Variants in EYA1 observed in about 807,000 individuals in gnomAD.
EYA1 encodes EYA transcriptional coactivator and phosphatase 1.
EYA1 carries 16 observed loss-of-function variants against 82.0 expected under a neutral mutation model. The observed-to-expected ratio is 0.20, with a 90% confidence interval of 0.13 to 0.30. The LOEUF is 0.30. Ranked by LOEUF, EYA1 falls within the 10% of genes least tolerant of loss-of-function variation. The probability of loss-of-function intolerance (pLI) is 1.00; values close to 1 mark genes in which losing one functional copy is unlikely to be tolerated. For synonymous variants in EYA1, 261 were observed against 264.4 expected (o/e 0.99, Z 0.12); for missense variants, 633 against 730.7 (o/e 0.87, Z 1.54).
intron 11 of EYA1, among the ~76,000 whole-genome samples, chr8:71,262,167 A>G (rs776155842): frequency 9.2e-5 from 14 of 152,248 alleles, no homozygotes; most frequent in Non-Finnish European, 2.1e-4. Context: ...TCTTATTGGC[A>G]AAAAGAAGGA....
In EYA1 at chr8:71,334,152, G is replaced by A. The variant is rs771141271; in HGVS notation, c.147C>T (p.Ser49=). Residue 49 remains serine, a synonymous_variant, in exon 4 of 18, where the codon AGC becomes AGT. Transcript: ENST00000340726. ...GTEVKTEPMS[S]SETASTTADG... Reference sequence around the variant, plus strand: ...CGGCTGTCGTTGAAGCTGTTTCACTGCTGCTCATTGGCTCTGTTTTAACTA... The same window carrying A: ...CGGCTGTCGTTGAAGCTGTTTCACTACTGCTCATTGGCTCTGTTTTAACTA... The A allele has an allele frequency of 2.4e-5, 39 of 1,613,146 alleles. No homozygotes were observed. In the East Asian group the frequency reaches 8.0e-4, roughly 33 times the overall value.
chr8:71,524,940 G>A (rs1489140931), intron 2 of EYA1, among the ~76,000 whole-genome samples: 1 of 152,198 alleles, frequency 6.6e-6, no homozygotes, highest in Non-Finnish European at 1.5e-5. Context: ...AATACTGCCT[G>A]GAAGAAAACA....
chr8:71,394,412 G>A lies in EYA1; in HGVS notation c.34-37901C>T, dbSNP rs545936800. Among the ~76,000 whole-genome samples, 400 of 152,162 alleles carry A rather than the reference G, an allele frequency of 2.6e-3. 1 individual carries two copies. Among genetic ancestry groups the A allele is most frequent in the Middle Eastern group, 6.8e-3 (2 of 294 alleles). On this transcript the variant is annotated intron_variant, in intron 2 of 18. Transcript: ENST00000643681. ...ATTGCCTCGGTTTTCTTCTAGGGTT[G>A]TTATGGCTTTAGGTCTAACATTTAA... is the stretch of plus-strand genomic sequence containing the variant.
rs951970221 is a variant in EYA1, at chr8:71,455,736, C to A, written c.33+80008G>T. On this transcript the variant is annotated intron_variant, in intron 2 of 18. Coordinates refer to the EYA1 transcript ENST00000643681. ...TCCTGCTAAAAACTCTCAATAAATT[C>A]AGTATTGATGGGATGGATCTCAAAA... is the stretch of plus-strand genomic sequence containing the variant. Among the ~76,000 whole-genome samples the A allele has an allele frequency of 5.3e-5, 8 of 152,214 alleles. 1 individual carries two copies. The highest frequency in any genetic ancestry group is 1.7e-4 in the African/African-American group (7 of 41,554).
intron 3 of EYA1, among the ~76,000 whole-genome samples, chr8:71,354,555 T>A (rs1024255085): frequency 6.6e-6 from 1 of 152,230 alleles, no homozygotes; most frequent in African/African-American, 2.4e-5. Context: ...TGTGTATATA[T>A]GTATATGCAT....
At chr8:71,379,183 C>T (rs1330873382) in intron 2 of EYA1, among the ~76,000 whole-genome samples, 1 of 152,002 alleles carries the variant, frequency 6.6e-6, no homozygotes, top group African/African-American at 2.4e-5. Flanking sequence ...TCGAGGCTAC[C>T]GTGCAGACCA....
intron 2 of EYA1, among the ~76,000 whole-genome samples, chr8:71,450,836 A>G (rs1403334148): frequency 1.3e-5 from 2 of 152,264 alleles, no homozygotes; most frequent in Non-Finnish European, 2.9e-5. Flanking sequence ...GGAATTAGCC[A>G]AAATTATAAC....
intron 8 of EYA1, 80 bp downstream of exon 8, chr8:71,299,558 A>G: frequency 1.1e-6 from 1 of 889,994 alleles, no homozygotes; most frequent in Non-Finnish European, 1.9e-6. Flanking sequence ...TCTCACTTAT[A>G]AACAGATCTT....
intron 2 of EYA1, among the ~76,000 whole-genome samples, chr8:71,385,445 A>C (rs944374692): frequency 6.6e-6 from 1 of 152,176 alleles, no homozygotes; most frequent in Non-Finnish European, 1.5e-5. Flanking sequence ...TTAAGAAAAC[A>C]AGCAGAAAAA....
intron 3 of EYA1, among the ~76,000 whole-genome samples, chr8:71,352,442 A>T (rs1447830376): frequency 6.6e-6 from 1 of 152,196 alleles, no homozygotes; most frequent in Non-Finnish European, 1.5e-5. Context: ...AAAATAAAAC[A>T]ATATCTCAGG....
intron 2 of EYA1, among the ~76,000 whole-genome samples, chr8:71,375,299 T>A (rs1001610125): frequency 6.7e-6 from 1 of 148,336 alleles, no homozygotes; most frequent in Admixed American, 6.7e-5. Flanking sequence ...GAATACTACC[T>A]CATGCTAGAA....
intron 6 of EYA1, among the ~76,000 whole-genome samples, chr8:71,318,259 C>T (rs1485456404): frequency 6.6e-6 from 1 of 152,082 alleles, no homozygotes; most frequent in Admixed American, 6.6e-5. Flanking sequence ...AAAGGCTTTT[C>T]CTGAATATCT....
At chr8:71,241,919 A>T (rs2128899204) in intron 12 of EYA1, among the ~76,000 whole-genome samples, 1 of 152,274 alleles carries the variant, frequency 6.6e-6, no homozygotes, top group East Asian at 1.9e-4. Context: ...AAAATAAAAG[A>T]TTGGCCTGGG....
chr8:71,215,808 A>G, intron 14 of EYA1, 80 bp from the exon 15 acceptor site: 1 of 891,658 alleles, frequency 1.1e-6, no homozygotes, highest in East Asian at 2.6e-5. Context: ...ACATTTAAAA[A>G]GTACTATGAA....
At chr8:71,311,835 A>G (rs1182547779) in intron 7 of EYA1, among the ~76,000 whole-genome samples, 1 of 152,208 alleles carries the variant, frequency 6.6e-6, no homozygotes, top group East Asian at 1.9e-4. Context: ...CTGAGGTTTT[A>G]TTTCATGGAA....
intron 2 of EYA1, among the ~76,000 whole-genome samples, chr8:71,492,331 C>G (rs1391655335): frequency 6.6e-6 from 1 of 152,058 alleles, no homozygotes; most frequent in Non-Finnish European, 1.5e-5. Context: ...CAGATAATAA[C>G]AAATATATTT....
Position 71,490,817 on chromosome 8 carries a change from T to C in EYA1, c.33+44927A>G, listed in dbSNP as rs1810936395. The stretch of plus-strand genomic sequence containing the variant: ...TTAGCAGAGAAGGTTGGTTGTAACA[T>C]GTTAAAACTTCAAGATTTTTCATTG... On this transcript the variant is annotated intron_variant, in intron 2 of 18. Coordinates refer to the EYA1 transcript ENST00000643681. Among the ~76,000 whole-genome samples the C allele has an allele frequency of 2.0e-5, 3 of 152,344 alleles. No homozygotes were observed. The South Asian group carries it at 6.2e-4, about 32-fold the overall frequency.
At chr8:71,367,155 T>C (rs954359434) in intron 2 of EYA1, among the ~76,000 whole-genome samples, 2 of 152,148 alleles carry the variant, frequency 1.3e-5, no homozygotes, top group Admixed American at 1.3e-4. Context: ...AGATTATAAA[T>C]ATTCCCAACT....
chr8:71,285,133 A>G (rs190595867), intron 9 of EYA1, among the ~76,000 whole-genome samples: 3 of 152,338 alleles, frequency 2.0e-5, no homozygotes, highest in Admixed American at 1.3e-4. Flanking sequence ...TCTCATTTCC[A>G]TATGTCAGTA....
Sources: gnomAD v4.1 joint callset for allele counts (sites outside exome capture counted in the v4.1 genomes callset) on GRCh38, gnomAD v4.1.1 for gene constraint, MANE v1.5 for transcripts, NCBI Gene and HGNC (gene_info 2026-07-23, HGNC 2026-07-21) for gene names.